Variants in SYNPO2 observed in about 807,000 individuals in gnomAD.
SYNPO2 encodes the protein synaptopodin 2.
Under a neutral mutation model 85.0 loss-of-function variants are expected in SYNPO2, and 56 were observed. The observed-to-expected ratio is 0.66, with a 90% CI of 0.53 to 0.82. The LOEUF (loss-of-function observed/expected upper bound fraction) is 0.82, where lower values mean the gene tolerates loss of function less well. SYNPO2 is among the 40% of genes least tolerant of loss of function. The probability of loss-of-function intolerance (pLI) is 0.00; values close to 1 mark genes in which losing one functional copy is unlikely to be tolerated. For missense variants in SYNPO2, 1,575 were observed against 1,534.2 expected, an observed-to-expected ratio of 1.03 and a Z score of -0.44; for synonymous variants, 602 against 591.1, an observed-to-expected ratio of 1.02 and a Z score of -0.27.
At position 119,057,494 on chromosome 4, in the gene SYNPO2, A is replaced by G. The variant is rs1196405896; in HGVS notation, c.3346A>G (p.Ser1116Gly). Residue 1116 changes from serine (S) to glycine (G), a missense_variant, in exon 5 of 5, where the codon AGT becomes GGT. Around this residue, in one of 3 missense-constraint regions of SYNPO2, gnomAD observed 1,508 missense variants for 1,446.8 expected, o/e 1.04. Transcript: ENST00000307142. ...ATACCAGCCTACTTATAGTTACTCT[A>G]GTAAACCAACCGATGGACTAGAGAA... is the stretch of plus-strand genomic sequence containing the variant. ...WVYQPTYSYS[S>G]KPTDGLEKAN... The G allele has an allele frequency of 1.2e-6, 2 of 1,614,090 alleles. No homozygotes were observed. Among genetic ancestry groups the G allele is most frequent in the Non-Finnish European group, 1.7e-6 (2 of 1,180,032 alleles).
rs375913676 is a variant in SYNPO2, at chr4:118,915,720, G to A, written c.105+26579G>A. On this transcript the variant is annotated intron_variant, in intron 1 of 4. Transcript: ENST00000307142. ...CAGGAATGGAATTGCTGGGTCATAG[G>A]TTTGTAAATGATCATGCTTAGGAGA... 1.2e-4 allele frequency among the ~76,000 whole-genome samples: 18 copies of A among 152,240 alleles called. 1 individual carries two copies. The highest frequency in any genetic ancestry group is 4.6e-4 in the Admixed American group (7 of 15,278).
chr4:119,033,656 T>G (rs552521181), intron 4 of SYNPO2: 20 of 985,436 alleles, frequency 2.0e-5, no homozygotes, highest in Non-Finnish European at 2.2e-5. Flanking sequence ...AATATCTGTA[T>G]TCCTGCTCTT....
At position 119,030,521 on chromosome 4, in the gene SYNPO2, G is replaced by C. The variant is rs1738183980; in HGVS notation, c.1746G>C (p.Met582Ile). Residue 582 changes from methionine to isoleucine, a missense_variant, in exon 4 of 5, where the codon ATG becomes ATC. Transcript: ENST00000307142. ...CTGAGACAGCAAACATCCAGAGGAT[G>C]GTCCCCATGAATAGAACGGCCAAAC... is the stretch of plus-strand genomic sequence containing the variant. ...GTSETANIQRMVPMNRTAKPF... is the reference protein window; with the variant it reads ...GTSETANIQRIVPMNRTAKPF... The C allele has an allele frequency of 6.2e-7, 1 of 1,613,966 alleles. No individual in the cohort carries two copies. Among genetic ancestry groups the C allele is most frequent in the South Asian group, 1.1e-5 (1 of 91,072 alleles).
chr4:118,949,296 A>G (rs192470781), intron 1 of SYNPO2, among the ~76,000 whole-genome samples: 49 of 151,620 alleles, frequency 3.2e-4, no homozygotes, highest in South Asian at 2.1e-3. Flanking sequence ...GTCTAAAAAG[A>G]CTCCCTAGGA....
intron 1 of SYNPO2, among the ~76,000 whole-genome samples, chr4:119,019,267 A>G (rs1737629885): frequency 1.3e-5 from 2 of 152,210 alleles, no homozygotes; most frequent in African/African-American, 4.8e-5. Context: ...ATAGTATTGC[A>G]TTTGGTAACT....
At chr4:118,879,098 T>C (rs1289852162) in intron 1 of SYNPO2, among the ~76,000 whole-genome samples, 1 of 152,148 alleles carries the variant, frequency 6.6e-6, no homozygotes, top group African/African-American at 2.4e-5. Flanking sequence ...ACTTCACTCC[T>C]GAAGTGAACA....
intron 4 of SYNPO2, chr4:119,032,251 C>T (rs1738306569): frequency 4.2e-6 from 6 of 1,419,390 alleles, no homozygotes; most frequent in African/African-American, 2.9e-5. Context: ...ATATATTTAT[C>T]TTCTTTGCAC....
At chr4:119,007,230 A>ATATATATATATG (rs1737072942) in intron 1 of SYNPO2, among the ~76,000 whole-genome samples, 1 of 58,310 alleles carries the variant, frequency 1.7e-5, no homozygotes, top group Non-Finnish European at 3.1e-5. Context: ...ATATATATAT[A>ATATATATATATG]TATATATATA....
intron 1 of SYNPO2, among the ~76,000 whole-genome samples, chr4:119,009,839 A>T (rs890960040): frequency 3.9e-5 from 6 of 152,354 alleles, no homozygotes; most frequent in African/African-American, 1.4e-4. Flanking sequence ...AGTCTCAAAC[A>T]CTAGTGTGTA....
intron 1 of SYNPO2, among the ~76,000 whole-genome samples, chr4:118,963,381 G>A (rs1735180193): frequency 6.6e-6 from 1 of 152,226 alleles, no homozygotes; most frequent in African/African-American, 2.4e-5. Context: ...TTACTGATCT[G>A]TATTATTAGT....
intron 1 of SYNPO2, among the ~76,000 whole-genome samples, chr4:118,959,261 C>T (rs545068130): frequency 9.5e-4 from 145 of 152,308 alleles, no homozygotes; most frequent in African/African-American, 3.3e-3. Context: ...TGACCAATCA[C>T]GGAGGTTTGG....
intron 1 of SYNPO2, among the ~76,000 whole-genome samples, chr4:118,994,096 G>C (rs1290960639): frequency 6.6e-6 from 1 of 152,256 alleles, no homozygotes; most frequent in Non-Finnish European, 1.5e-5. Flanking sequence ...ACTCTGACAA[G>C]TAGTTTTGTT....
intron 1 of SYNPO2, among the ~76,000 whole-genome samples, chr4:118,895,806 T>C (rs34212172): frequency 0.19 from 28,601 of 152,184 alleles, 2,724 homozygotes; most frequent in East Asian, 0.23. Flanking sequence ...TGCATATTTT[T>C]CATAGCAATC....
At chr4:118,907,516 G>A (rs1469226937) in intron 1 of SYNPO2, among the ~76,000 whole-genome samples, 2 of 152,184 alleles carry the variant, frequency 1.3e-5, no homozygotes, top group East Asian at 1.9e-4. Context: ...TCCTTAAACC[G>A]CTCATTTGGG....
upstream of SYNPO2, among the ~76,000 whole-genome samples, chr4:118,884,629 C>T (rs750786042): frequency 3.9e-5 from 6 of 152,180 alleles, no homozygotes; most frequent in African/African-American, 1.4e-4. Flanking sequence ...CTATTCCACA[C>T]GGTCTCTAAG....
rs566892527 is a variant in SYNPO2 at position 118,980,146 on chromosome 4, T to C, written c.106-43284T>C. On this transcript the variant is annotated intron_variant, in intron 1 of 4. Coordinates refer to ENST00000307142, the MANE Select transcript of SYNPO2 (RefSeq NM_133477.3). ...GTTTAATGATGGCTGCTATTAATAA[T>C]GACATATATACCCATATATAGTATA... is the stretch of plus-strand genomic sequence containing the variant. 6.6e-5 allele frequency among the ~76,000 whole-genome samples: 10 copies of C among 152,346 alleles called. No individual in the cohort carries two copies. In the South Asian group the frequency reaches 1.9e-3, roughly 28 times the overall value.
At chr4:118,993,321 A>G (rs1004613840) in intron 1 of SYNPO2, among the ~76,000 whole-genome samples, 1 of 152,200 alleles carries the variant, frequency 6.6e-6, no homozygotes, top group Non-Finnish European at 1.5e-5. Context: ...ATGGACGGTG[A>G]GGATTAGCCA....
chr4:119,040,533 A>G (rs767658140), intron 4 of SYNPO2, among the ~76,000 whole-genome samples: 1 of 152,216 alleles, frequency 6.6e-6, no homozygotes, highest in Non-Finnish European at 1.5e-5. Flanking sequence ...GACTGGTTCA[A>G]TATTTTTATA....
intron 4 of SYNPO2, among the ~76,000 whole-genome samples, chr4:119,051,855 C>T (rs1414331737): frequency 6.6e-6 from 1 of 152,122 alleles, no homozygotes; most frequent in Non-Finnish European, 1.5e-5. Context: ...AATATAGTAG[C>T]AAATGACTTC....
Sources: gnomAD v4.1 joint callset for allele counts (sites outside exome capture counted in the v4.1 genomes callset) on GRCh38, gnomAD v4.1.1 for gene constraint, gnomAD v4.1.1 regional missense constraint, MANE v1.5 for transcripts, NCBI Gene and HGNC (gene_info 2026-07-23, HGNC 2026-07-21) for gene names.